SDK1: variants seen among roughly 807,000 people sequenced by gnomAD.
SDK1 encodes protein sidekick-1.
In SDK1, 157 loss-of-function variants were observed where a neutral mutation model predicts 245.5. That is an observed-to-expected ratio of 0.64 (90% confidence interval 0.56 to 0.73). The LOEUF (loss-of-function observed/expected upper bound fraction) is 0.73, where lower values mean the gene tolerates loss of function less well. Among genes scored for constraint, SDK1 ranks in the 30% least tolerant of loss-of-function variants. The pLI is 0.00. For missense variants in SDK1, 3,583 were observed against 3,002.3 expected (o/e 1.19, Z -4.52); for synonymous variants, 1,647 against 1,278.5 (o/e 1.29, Z -6.15).
In SDK1 at chr7:4,074,884, C is replaced by CTCTCTCTCTCTCTCTCTCTGTGTG. The variant is rs1377225405; in HGVS notation, c.3011-2113_3011-2112insCTCTCTCTCTCTCTCTCTGTGTGT. Among the ~76,000 whole-genome samples the CTCTCTCTCTCTCTCTCTCTGTGTG allele has an allele frequency of 8.2e-4, 51 of 62,444 alleles. 4 individuals are homozygous for CTCTCTCTCTCTCTCTCTCTGTGTG. The highest frequency in any genetic ancestry group is 5.4e-3 in the African/African-American group (44 of 8,200). The allele number at this position is 62,444 out of a possible 152,430, so 41.0% of individuals were successfully genotyped here. On this transcript the variant is annotated intron_variant, in intron 20 of 44. Coordinates refer to ENST00000404826, the MANE Select transcript of SDK1 (RefSeq NM_152744.4). ...TCTCTCTCTCTCTCTCTCTCTCTCT[C>CTCTCTCTCTCTCTCTCTCTGTGTG]TGTATATATATATATATATATATAT...
intron 4 of SDK1, among the ~76,000 whole-genome samples, chr7:3,647,839 A>T (rs1440563175): frequency 2.6e-5 from 4 of 152,222 alleles, no homozygotes; most frequent in African/African-American, 9.6e-5. Flanking sequence ...AATGTGAAGA[A>T]AAGTCGTGTA....
At chr7:3,560,678 A>G (rs1335000494) in intron 1 of SDK1, among the ~76,000 whole-genome samples, 1 of 151,572 alleles carries the variant, frequency 6.6e-6, no homozygotes, top group African/African-American at 2.4e-5. Context: ...CCTTCTCAGC[A>G]CTCTCCAGTG....
chr7:3,844,149 T>C (rs1400480420), intron 5 of SDK1, among the ~76,000 whole-genome samples: 1 of 152,152 alleles, frequency 6.6e-6, no homozygotes, highest in Admixed American at 6.5e-5. Context: ...TTTTGTATTT[T>C]TAGTTGAGGT....
chr7:3,520,329 G>T (rs986720750), intron 1 of SDK1, among the ~76,000 whole-genome samples: 4 of 152,148 alleles, frequency 2.6e-5, no homozygotes, highest in Non-Finnish European at 4.4e-5. Flanking sequence ...GTCAACCTAG[G>T]TAAGAACATC....
chr7:3,745,464 A>C lies in SDK1; in HGVS notation c.714-75986A>C, dbSNP rs561443288. On this transcript the variant is annotated intron_variant, in intron 4 of 44. Transcript: ENST00000404826. Reference sequence around the variant, plus strand: ...GTGGCATAAAGACTGAGAAACTGACATTTATATAATACTGTTAACTAGAAT... The same window carrying C: ...GTGGCATAAAGACTGAGAAACTGACCTTTATATAATACTGTTAACTAGAAT... Among the ~76,000 whole-genome samples the C allele has an allele frequency of 3.3e-5, 5 of 152,302 alleles. No homozygotes were observed. The South Asian group carries it at 1.0e-3, about 32-fold the overall frequency.
chr7:3,936,728 A>C (rs10244038), intron 5 of SDK1, among the ~76,000 whole-genome samples: 4,863 of 152,322 alleles, frequency 0.032, 271 homozygotes, highest in African/African-American at 0.11. Context: ...GGGGGGAAAA[A>C]AAGAAGTATA....
At chr7:3,969,452 TTC>T in intron 11 of SDK1, 28 bp downstream of exon 11, 2 of 1,495,268 alleles carry the variant, frequency 1.3e-6, no homozygotes, top group South Asian at 2.8e-5. Context: ...CACGTCGGCC[TTC>T]TGTTAGCCAC....
At chr7:3,610,387 G>A (rs961605028) in intron 1 of SDK1, among the ~76,000 whole-genome samples, 2 of 152,174 alleles carry the variant, frequency 1.3e-5, no homozygotes, top group South Asian at 2.1e-4. Context: ...CAAGAATAAT[G>A]TTGGTTATTT....
intron 1 of SDK1, among the ~76,000 whole-genome samples, chr7:3,407,071 G>C (rs1378050566): frequency 1.3e-5 from 2 of 152,178 alleles, no homozygotes; most frequent in South Asian, 2.1e-4. Context: ...GAATTGCTCT[G>C]TCTCTCCCTT....
In SDK1 at chr7:4,252,380, C is replaced by T. The variant is rs370910043; in HGVS notation, c.6381+6575C>T. 1.5e-4 allele frequency among the ~76,000 whole-genome samples: 23 copies of T among 152,274 alleles called. No individual in the cohort carries two copies. In the East Asian group the frequency reaches 4.0e-3, roughly 27 times the overall value. On this transcript the variant is annotated intron_variant, in intron 44 of 44. Transcript: ENST00000404826. Reference sequence around the variant, plus strand: ...GCTTCATCCATGACCCTACAAAGGACATGAATTCATCATTTTTTATGGCTG... The same window carrying T: ...GCTTCATCCATGACCCTACAAAGGATATGAATTCATCATTTTTTATGGCTG...
chr7:3,627,760 C>A (rs1782165128), intron 2 of SDK1, among the ~76,000 whole-genome samples: 2 of 152,226 alleles, frequency 1.3e-5, no homozygotes, highest in Middle Eastern at 3.4e-3. Flanking sequence ...TAAATGACAC[C>A]CACAGTTGAG....
At chr7:3,575,819 T>G (rs1015001114) in intron 1 of SDK1, among the ~76,000 whole-genome samples, 11 of 152,044 alleles carry the variant, frequency 7.2e-5, no homozygotes, top group African/African-American at 2.4e-4. Context: ...AGCGTTTGTC[T>G]TGTTACAAAC....
At chr7:3,429,163 A>T (rs576883087) in intron 1 of SDK1, among the ~76,000 whole-genome samples, 53 of 152,334 alleles carry the variant, frequency 3.5e-4, no homozygotes, top group African/African-American at 1.2e-3. Flanking sequence ...TTCAGGGTAC[A>T]AGAGAACTGA....
At chr7:3,352,403 C>G (rs1029505832) in intron 1 of SDK1, among the ~76,000 whole-genome samples, 1 of 152,006 alleles carries the variant, frequency 6.6e-6, no homozygotes, top group African/African-American at 2.4e-5. Flanking sequence ...AGAGATCATT[C>G]CTGCTGGTAG....
intron 7 of SDK1, among the ~76,000 whole-genome samples, chr7:3,953,894 CA>C (rs368267903): frequency 5.9e-5 from 9 of 152,162 alleles, no homozygotes; most frequent in African/African-American, 2.2e-4. Context: ...GCGCACACTG[CA>C]AAAACCCTGA....
chr7:4,110,630 G>A, intron 22 of SDK1, 33 bp from the exon 23 acceptor site: 5 of 1,483,560 alleles, frequency 3.4e-6, no homozygotes, highest in Non-Finnish European at 3.8e-6. Flanking sequence ...CCTAAGGCAT[G>A]TCCAGCCCAT....
In SDK1 at chr7:3,971,480, G is replaced by A. The variant is rs201228093; in HGVS notation, c.1729G>A (p.Val577Ile). The change falls in exon 12 of 45, where the codon GTC becomes ATC. Residue 577 changes from valine (V) to isoleucine (I), a missense_variant. Transcript: ENST00000404826. The part of the protein sequence containing the change: ...TLTVWNRTSI[V>I]HPPEDHVVIK... ...GTTTTTTTCAGATCGGACGTCCATCGTCCACCCTCCTGAGGACCACGTGGT... is the reference window on the plus strand; with the variant it reads ...GTTTTTTTCAGATCGGACGTCCATCATCCACCCTCCTGAGGACCACGTGGT... The A allele has an allele frequency of 1.2e-4, 186 of 1,612,482 alleles. No individual in the cohort carries two copies. The highest frequency in any genetic ancestry group is 8.2e-4 in the Middle Eastern group (5 of 6,074).
chr7:3,745,984 A>G (rs1779606275), intron 4 of SDK1, among the ~76,000 whole-genome samples: 1 of 152,170 alleles, frequency 6.6e-6, no homozygotes, highest in African/African-American at 2.4e-5. Flanking sequence ...GAAATCACTT[A>G]ACCTCTCTGT....
chr7:3,317,576 C>CG (rs1363079053), intron 1 of SDK1, among the ~76,000 whole-genome samples: 1 of 32,432 alleles, frequency 3.1e-5, no homozygotes, highest in Non-Finnish European at 7.3e-5. Context: ...ATTCCTCTCT[C>CG]CATTCATTGA....
Sources: gnomAD v4.1 joint callset for allele counts (sites outside exome capture counted in the v4.1 genomes callset) on GRCh38, gnomAD v4.1.1 for gene constraint, MANE v1.5 for transcripts, NCBI Gene and HGNC (gene_info 2026-07-23, HGNC 2026-07-21) for gene names.